POC1A: variants seen among roughly 807,000 people sequenced by gnomAD.
POC1A encodes POC1 centriolar protein A.
Under a neutral mutation model 47.8 loss-of-function variants are expected in POC1A, and 34 were observed. That is an observed-to-expected ratio of 0.71 (90% confidence interval 0.54 to 0.95). The LOEUF is 0.95. POC1A is among the 40% of genes least tolerant of loss of function. The pLI is 0.00. For missense variants in POC1A, 466 were observed against 528.3 expected, an observed-to-expected ratio of 0.88 and a Z score of 1.16; for synonymous variants, 177 against 207.6, an observed-to-expected ratio of 0.85 and a Z score of 1.27.
At chr3:52,149,029 G>A (rs561048210) in intron 4 of POC1A, among the ~76,000 whole-genome samples, 181 bp downstream of exon 4, 6 of 152,248 alleles carry the variant, frequency 3.9e-5, no homozygotes, top group Admixed American at 1.3e-4. Flanking sequence ...GAAGCTTCTC[G>A]ACAACTTACA....
intron 10 of POC1A, among the ~76,000 whole-genome samples, chr3:52,086,102 G>A (rs140033700): frequency 0.015 from 2,280 of 152,188 alleles, 17 homozygotes; most frequent in Non-Finnish European, 0.024. Context: ...TGATGTGGGC[G>A]CCCCCATGAT....
intron 7 of POC1A, among the ~76,000 whole-genome samples, chr3:52,133,743 C>T (rs1432159619): frequency 1.3e-5 from 2 of 152,156 alleles, no homozygotes; most frequent in Non-Finnish European, 2.9e-5. Flanking sequence ...CCTTTTTCTA[C>T]CCCAAACCTC....
At chr3:52,150,370 C>T (rs1207463764) in intron 2 of POC1A, among the ~76,000 whole-genome samples, 1 of 152,124 alleles carries the variant, frequency 6.6e-6, no homozygotes, top group African/African-American at 2.4e-5. Flanking sequence ...TTGAGAGGGC[C>T]CAACTCAGTA....
Position 52,122,286 on chromosome 3 carries a change from C to T in POC1A, c.981+93G>A, listed in dbSNP as rs1443755366. 4.1e-6 allele frequency: 3 copies of T among 729,030 alleles called. No individual in the cohort carries two copies. The East Asian group carries it at 7.7e-5, about 19-fold the overall frequency. 45.2% of individuals were successfully genotyped at this position (729,030 alleles called of 1,614,324 possible). A position where few individuals can be genotyped will look rare whatever the true frequency, so the allele number is the denominator to read the frequency against. ...TCCCTTTCCCGAGACAGGCCTAAAC[C>T]TCCTCCCTCACCGTCTCCAAGCCCA... On this transcript the variant is annotated intron_variant, in intron 9 of 10. Transcript: ENST00000296484.
At chr3:52,095,572 G>C (rs1335360581) in intron 10 of POC1A, among the ~76,000 whole-genome samples, 1 of 151,710 alleles carries the variant, frequency 6.6e-6, no homozygotes, top group East Asian at 1.9e-4. Context: ...TGGGCCACAT[G>C]TGTCCCTCTT....
rs541244725 is a variant in POC1A at position 52,102,008 on chromosome 3, CAT to C, written c.982-5298_982-5297del. On this transcript the variant is annotated intron_variant, in intron 9 of 10. Coordinates refer to ENST00000296484, the MANE Select transcript of POC1A (RefSeq NM_015426.5). Reference sequence around the variant, plus strand: ...CTTCATAATTCTTACATTTGATCCACATATATATGTCTTTTTTTCTCTGGCTA... The same window carrying C: ...CTTCATAATTCTTACATTTGATCCACATATATGTCTTTTTTTCTCTGGCTA... 2.6e-4 allele frequency among the ~76,000 whole-genome samples: 40 copies of C among 152,296 alleles called. 1 individual carries two copies. In the South Asian group the frequency reaches 6.4e-3, roughly 24 times the overall value.
intron 6 of POC1A, among the ~76,000 whole-genome samples, chr3:52,145,433 C>T (rs1698331085): frequency 6.6e-6 from 1 of 152,212 alleles, no homozygotes; most frequent in South Asian, 2.1e-4. Flanking sequence ...GCCCTGTTCC[C>T]TTTACCACAG....
Position 52,149,906 on chromosome 3 carries a change from T to C in POC1A, c.185A>G (p.Asp62Gly). ...SRAYRFTGHK[D>G]AVTCVNFSPS... ...AGAGAAGTTCACACAGGTGACGGCA[T>C]CCTTGTGGCCAGTGAAGCGGTAGGC... Residue 62 changes from aspartate to glycine, a missense_variant, in exon 3 of 11, where the codon GAT becomes GGT. Physicochemically the swap from Asp to Gly is moderately conservative, Grantham distance 94. Coordinates refer to ENST00000296484, the MANE Select transcript of POC1A (RefSeq NM_015426.5). The C allele has an allele frequency of 6.2e-7, 1 of 1,613,912 alleles. No individual in the cohort carries two copies. Among genetic ancestry groups the C allele is most frequent in the African/African-American group, 1.3e-5 (1 of 75,028 alleles).
chr3:52,152,507 T>C (rs1273995912), intron 1 of POC1A, among the ~76,000 whole-genome samples: 3 of 151,644 alleles, frequency 2.0e-5, no homozygotes, highest in African/African-American at 7.3e-5. Flanking sequence ...GAGGAGGAGG[T>C]TGTAGTGAGC....
intron 6 of POC1A, among the ~76,000 whole-genome samples, chr3:52,145,581 A>T (rs1336407746): frequency 6.6e-6 from 1 of 152,174 alleles, no homozygotes; most frequent in Non-Finnish European, 1.5e-5. Context: ...GCCCTGCAGT[A>T]TGTGTGAGAT....
rs373558109 is a variant in POC1A at position 52,146,940 on chromosome 3, C to A, written c.563+48G>T. 8.7e-5 allele frequency: 128 copies of A among 1,477,376 alleles called. No homozygotes were observed. The African/African-American group carries it at 1.4e-3, about 17-fold the overall frequency. The allele number at this position is 1,477,376 out of a possible 1,614,324, so 91.5% of individuals were successfully genotyped here. A position where few individuals can be genotyped will look rare whatever the true frequency, so the allele number is the denominator to read the frequency against. The stretch of plus-strand genomic sequence containing the variant: ...GGGCCTCCTCATGCCCAGGTCTGTG[C>A]TCTGTGCTTGAGCGCCTACAGGTGG... On this transcript the variant is annotated intron_variant, in intron 5 of 10. Transcript: ENST00000296484.
chr3:52,078,049 G>A (rs1035091272), intron 10 of POC1A, among the ~76,000 whole-genome samples: 12 of 152,170 alleles, frequency 7.9e-5, no homozygotes, highest in African/African-American at 2.9e-4. Context: ...CTTCCTCTGA[G>A]AGCTTTGAGG....
chr3:52,087,585 A>G (rs1702505151), intron 10 of POC1A, among the ~76,000 whole-genome samples: 1 of 152,224 alleles, frequency 6.6e-6, no homozygotes, highest in Non-Finnish European at 1.5e-5. Flanking sequence ...GAAGTACACG[A>G]AACACTATTT....
At position 52,089,621 on chromosome 3, in the gene POC1A, C is replaced by G. The variant is rs568173510; in HGVS notation, c.1125+6948G>C. Among the ~76,000 whole-genome samples, 42 of 152,302 alleles carry G rather than the reference C, an allele frequency of 2.8e-4. 1 individual carries two copies. The highest frequency in any genetic ancestry group is 4.3e-4 in the Non-Finnish European group (29 of 68,014). ...ACAACCCACCACCACCCTTATGGCCCTGTCTGCGAGTGGAAGCAGTGTTAG... is the reference window on the plus strand; with the variant it reads ...ACAACCCACCACCACCCTTATGGCCGTGTCTGCGAGTGGAAGCAGTGTTAG... On this transcript the variant is annotated intron_variant, in intron 10 of 10. Transcript: ENST00000296484.
chr3:52,125,555 A>AC (rs1703965384), intron 7 of POC1A, among the ~76,000 whole-genome samples: 2 of 152,092 alleles, frequency 1.3e-5, no homozygotes, highest in African/African-American at 2.4e-5. Context: ...CAGCACTGAG[A>AC]CCAGAACTTG....
At chr3:52,099,668 T>C (rs1702931701) in intron 9 of POC1A, among the ~76,000 whole-genome samples, 1 of 152,102 alleles carries the variant, frequency 6.6e-6, no homozygotes, top group Non-Finnish European at 1.5e-5. Flanking sequence ...CTGGCCAATA[T>C]GGTGAAACCC....
Position 52,145,911 on chromosome 3 carries a change from G to C in POC1A, c.614C>G (p.Ala205Gly), listed in dbSNP as rs780017055. 1.5e-5 allele frequency: 25 copies of C among 1,613,812 alleles called. No individual in the cohort carries two copies. Among genetic ancestry groups the C allele is most frequent in the Non-Finnish European group, 1.7e-6 (2 of 1,179,934 alleles). The change falls in exon 6 of 11, where the codon GCC becomes GGC. Residue 205 changes from alanine (A) to glycine (G), a missense_variant. Ala to Gly is a moderately conservative substitution (Grantham distance 60). Coordinates refer to ENST00000296484, the MANE Select transcript of POC1A (RefSeq NM_015426.5). ...FHPSGTCIAA[A>G]GMDNTVKVWD... ...CACCTTCACTGTGTTGTCCATGCCG[G>C]CAGCGGCAATGCACGTCCCACTGGG...
At chr3:52,142,368 T>G (rs1170638513) in intron 6 of POC1A, among the ~76,000 whole-genome samples, 1 of 152,200 alleles carries the variant, frequency 6.6e-6, no homozygotes, top group Non-Finnish European at 1.5e-5. Flanking sequence ...AAATCAGAAC[T>G]GCTCTCTGCA....
At chr3:52,146,063 C>G in intron 5 of POC1A, 102 bp from the exon 6 acceptor site, 1 of 686,454 alleles carries the variant, frequency 1.5e-6, no homozygotes, top group East Asian at 2.7e-5. Context: ...CCTGCCCACG[C>G]TGTTCCCTTG....
Sources: gnomAD v4.1 joint callset for allele counts (sites outside exome capture counted in the v4.1 genomes callset) on GRCh38, gnomAD v4.1.1 for gene constraint, MANE v1.5 for transcripts, NCBI Gene and HGNC (gene_info 2026-07-23, HGNC 2026-07-21) for gene names.